The following EXOC2 variants were observed in gnomAD, a reference collection of about 807,000 sequenced individuals.
EXOC2 encodes exocyst complex component 2, also known as SEC5-like 1.
EXOC2 carries 70 observed loss-of-function variants against 131.8 expected under a neutral mutation model. The observed-to-expected ratio is 0.53, with a 90% CI of 0.44 to 0.65. The LOEUF is 0.65. Among genes scored for constraint, EXOC2 ranks in the 30% least tolerant of loss-of-function variants. EXOC2 has a pLI of 0.00. For synonymous variants in EXOC2, 411 were observed against 398.4 expected (o/e 1.03, Z -0.38); for missense variants, 923 against 1,108.6 (o/e 0.83, Z 2.38).
At chr6:521,088 G>A (rs111499944) in intron 23 of EXOC2, among the ~76,000 whole-genome samples, 1,739 of 13,166 alleles carry the variant, frequency 0.13, 32 homozygotes, top group Non-Finnish European at 0.17. Context: ...ACCGAGCGCC[G>A]ACACTCGCCG....
chr6:583,494 A>G (rs1759028239), intron 11 of EXOC2, among the ~76,000 whole-genome samples: 1 of 143,002 alleles, frequency 7.0e-6, no homozygotes, highest in Non-Finnish European at 1.5e-5. Flanking sequence ...CAGGAGACAC[A>G]AAAAAAAGAG....
At chr6:536,365 A>T (rs1435342901) in intron 22 of EXOC2, among the ~76,000 whole-genome samples, 1 of 152,206 alleles carries the variant, frequency 6.6e-6, no homozygotes, top group African/African-American at 2.4e-5. Flanking sequence ...ATACAATACC[A>T]TAAAAAATAA....
At chr6:636,737 G>C (rs1425352228) in intron 2 of EXOC2, among the ~76,000 whole-genome samples, 1 of 152,204 alleles carries the variant, frequency 6.6e-6, no homozygotes, top group Non-Finnish European at 1.5e-5. Context: ...TCATTCAGTA[G>C]CACAGAGAGG....
chr6:610,677 A>G (rs1760668654), intron 6 of EXOC2, among the ~76,000 whole-genome samples: 1 of 152,260 alleles, frequency 6.6e-6, no homozygotes, highest in African/African-American at 2.4e-5. Flanking sequence ...CTGGGTCCCA[A>G]GCATTTCAGA....
chr6:670,012 C>T (rs1763792676), intron 1 of EXOC2: 1 of 152,176 alleles, frequency 6.6e-6, no homozygotes, highest in African/African-American at 2.4e-5. Context: ...ACTTTGGAAG[C>T]TCTGCTATAG....
intron 22 of EXOC2, among the ~76,000 whole-genome samples, chr6:545,898 T>C (rs1317218322): frequency 6.6e-6 from 1 of 152,132 alleles, no homozygotes; most frequent in Non-Finnish European, 1.5e-5. Flanking sequence ...TTTACAAAAA[T>C]ATTAAATAAA....
rs1392437268 is a variant in EXOC2 at position 576,845 on chromosome 6, A to G, written c.1230T>C (p.Asp410=). 1 of 1,614,126 alleles carries G rather than the reference A, an allele frequency of 6.2e-7. No homozygotes were observed. Among genetic ancestry groups the G allele is most frequent in the African/African-American group, 1.3e-5 (1 of 75,044 alleles). Residue 410 remains aspartate, a synonymous_variant, in exon 12 of 28, where the codon GAT becomes GAC. Transcript: ENST00000230449. ...PGLHSPMLDL[D]NDTRPSVLGH... The stretch of plus-strand genomic sequence containing the variant: ...CCAACACTGAGGGACGTGTATCATT[A>G]TCAAGATCCAACATGGGACTGTGCA...
rs1764547734 is a variant in EXOC2, at chr6:506,582, A to G, written c.2381-6882T>C. On this transcript the variant is annotated intron_variant, in intron 23 of 27. Coordinates refer to ENST00000230449, the MANE Select transcript of EXOC2 (RefSeq NM_018303.6). This position sits in a 1 kb window ranked among gnomAD's most constrained non-coding sequence, Gnocchi z 4.4. ...GAGAAACAGTTTCTAAGCATTTACAACATGTATCTCCTCCACTGTCTGAAT... is the reference window on the plus strand; with the variant it reads ...GAGAAACAGTTTCTAAGCATTTACAGCATGTATCTCCTCCACTGTCTGAAT... 6.6e-6 allele frequency among the ~76,000 whole-genome samples: 1 copy of G among 152,218 alleles called. No individual in the cohort carries two copies. Among genetic ancestry groups the G allele is most frequent in the African/African-American group, 2.4e-5 (1 of 41,450 alleles).
At chr6:652,382 T>C (rs183485680) in intron 1 of EXOC2, among the ~76,000 whole-genome samples, 242 of 152,306 alleles carry the variant, frequency 1.6e-3, no homozygotes, top group African/African-American at 5.7e-3. Context: ...AGGTGGAATT[T>C]AGAAATCACC....
intron 1 of EXOC2, among the ~76,000 whole-genome samples, chr6:667,903 ATCCATCCATCCG>A (rs752953006): frequency 2.8e-4 from 42 of 150,320 alleles, no homozygotes; most frequent in Non-Finnish European, 5.3e-4. Flanking sequence ...CCATCCATCC[ATCCATCCATCCG>A]TCCATATCCT....
intron 23 of EXOC2, among the ~76,000 whole-genome samples, chr6:515,954 T>C (rs1428028354): frequency 1.3e-5 from 2 of 152,210 alleles, no homozygotes; most frequent in Non-Finnish European, 2.9e-5. Context: ...CCAAGGCGTA[T>C]GGTGACTTGG....
intron 1 of EXOC2, among the ~76,000 whole-genome samples, chr6:651,974 T>G (rs1005641979): frequency 6.6e-6 from 1 of 151,130 alleles, no homozygotes; most frequent in African/African-American, 2.4e-5. Context: ...GAGAATCGCT[T>G]GAACCCGGGA....
At chr6:653,301 G>T (rs908521698) in intron 1 of EXOC2, among the ~76,000 whole-genome samples, 1 of 152,360 alleles carries the variant, frequency 6.6e-6, no homozygotes, top group East Asian at 1.9e-4. Flanking sequence ...CATGTCTAAT[G>T]ACCTGACAGT....
chr6:656,188 T>G, intron 1 of EXOC2: 1 of 1,614,180 alleles, frequency 6.2e-7, no homozygotes, highest in Non-Finnish European at 8.5e-7. Flanking sequence ...TCCCAAATAT[T>G]GCACAGGGCC....
chr6:563,542 G>T (rs1183901700), intron 16 of EXOC2, among the ~76,000 whole-genome samples: 1 of 152,150 alleles, frequency 6.6e-6, no homozygotes, highest in Non-Finnish European at 1.5e-5. Context: ...GCTTTGTAAA[G>T]AAAACCTTTA....
At chr6:677,934 T>TCTCACACACACACACACACA (rs111239666) in intron 1 of EXOC2, among the ~76,000 whole-genome samples, 1 of 147,204 alleles carries the variant, frequency 6.8e-6, no homozygotes, top group African/African-American at 2.5e-5. Flanking sequence ...TTATAATCTC[T>TCTCACACACACACACACACA]CACACACACA....
chr6:599,167 T>C lies in EXOC2; in HGVS notation c.801A>G (p.Ala267=). The C allele has an allele frequency of 1.2e-6, 2 of 1,613,134 alleles. No homozygotes were observed. The highest frequency in any genetic ancestry group is 1.7e-6 in the Non-Finnish European group (2 of 1,179,370). The stretch of plus-strand genomic sequence containing the variant: ...CATTGAGTGCATTTCTAGTGGAATC[T>C]GCCTTGTCTTTCCGACCTAATACTT... ...FQEVLGRKDK[A]DSTRNALNVL... Residue 267 remains alanine (A), a synonymous_variant, in exon 8 of 28, where the codon GCA becomes GCG. Coordinates refer to ENST00000230449, the MANE Select transcript of EXOC2 (RefSeq NM_018303.6).
chr6:645,014 C>T (rs547076052), intron 1 of EXOC2, among the ~76,000 whole-genome samples: 2 of 152,138 alleles, frequency 1.3e-5, no homozygotes, highest in East Asian at 3.9e-4. Flanking sequence ...CCAAACCAAT[C>T]TTAGGAGGAA....
chr6:517,519 G>A (rs1404463704), intron 23 of EXOC2, among the ~76,000 whole-genome samples: 1 of 148,758 alleles, frequency 6.7e-6, no homozygotes, highest in African/African-American at 2.5e-5. Flanking sequence ...CCTCCTGTAT[G>A]AACTGTACTT....
Sources: gnomAD v4.1 joint callset for allele counts (sites outside exome capture counted in the v4.1 genomes callset) on GRCh38, gnomAD v4.1.1 for gene constraint, Gnocchi (gnomAD v3.1) non-coding constraint, MANE v1.5 for transcripts, NCBI Gene and HGNC (gene_info 2026-07-23, HGNC 2026-07-21) for gene names.